ASXL3: variants seen among roughly 807,000 people sequenced by gnomAD.
ASXL3 encodes putative Polycomb group protein ASXL3.
In ASXL3, 34 loss-of-function variants were observed where a neutral mutation model predicts 170.6. The observed-to-expected ratio is 0.20, with a 90% CI of 0.15 to 0.27. ASXL3 has a LOEUF of 0.27. ASXL3 is among the 10% of genes least tolerant of loss of function. The pLI is 1.00. For missense variants in ASXL3, 2,592 were observed against 2,695.3 expected (o/e 0.96, Z 0.85); for synonymous variants, 1,002 against 989.1 (o/e 1.01, Z -0.24).
At position 33,646,256 on chromosome 18, in the gene ASXL3, G is replaced by A. The variant is rs371806703; in HGVS notation, c.258G>A (p.Ser86=). Residue 86 remains serine (S), a synonymous_variant, in exon 4 of 12, where the codon TCG becomes TCA. Transcript: ENST00000269197. ...TCAAAATAATACAGAAAGAGGAGTC[G>A]TCATGCCCAGCAGATGGCACGTTGG... ...SGLYALKKEE[S]SCPADGTLDL... 246 of 1,610,660 alleles carry A rather than the reference G, an allele frequency of 1.5e-4. No individual in the cohort carries two copies. Among genetic ancestry groups the A allele is most frequent in the Non-Finnish European group, 1.3e-4 (149 of 1,177,768 alleles).
chr18:33,615,628 A>C (rs1337683006), intron 2 of ASXL3, among the ~76,000 whole-genome samples: 1 of 152,154 alleles, frequency 6.6e-6, no homozygotes, highest in Admixed American at 6.6e-5. Context: ...ATAAAGTGAA[A>C]CACACAAAAC....
chr18:33,684,195 A>AT (rs1399435512), intron 8 of ASXL3, among the ~76,000 whole-genome samples: 1 of 152,180 alleles, frequency 6.6e-6, no homozygotes, highest in Admixed American at 6.5e-5. Flanking sequence ...AAGGAAAAAA[A>AT]TTTTATCACA....
intron 8 of ASXL3, among the ~76,000 whole-genome samples, chr18:33,713,333 C>A: frequency 1.3e-5 from 1 of 76,898 alleles, no homozygotes; most frequent in African/African-American, 5.9e-5. Flanking sequence ...TGGCTCACTG[C>A]AACCTCCACC....
chr18:33,599,412 A>G (rs2145110412), intron 1 of ASXL3, among the ~76,000 whole-genome samples: 1 of 152,236 alleles, frequency 6.6e-6, no homozygotes. Flanking sequence ...AGATTGAGTA[A>G]TCAGTATCAG....
chr18:33,746,384 G>A lies in ASXL3; in HGVS notation c.6536G>A (p.Gly2179Glu), dbSNP rs1280613366. Reference sequence around the variant, plus strand: ...ATTGAAAAGTCCATTGGGATTTTGGGAAGTGGCTCCAATCCTGCCACAGGC... The same window carrying A: ...ATTGAAAAGTCCATTGGGATTTTGGAAAGTGGCTCCAATCCTGCCACAGGC... The part of the protein sequence containing the change: ...SAIEKSIGIL[G>E]SGSNPATGLS... The change falls in exon 12 of 12, where the codon GGA becomes GAA. Residue 2179 changes from glycine (G) to glutamate (E), a missense_variant. Around this residue, in one of 4 missense-constraint regions of ASXL3, gnomAD observed 2,246 missense variants for 2,219.6 expected, o/e 1.01. Transcript: ENST00000269197. The A allele has an allele frequency of 6.2e-7, 1 of 1,613,848 alleles. No individual in the cohort carries two copies.
chr18:33,741,410 TATTA>T (rs1166590637), intron 11 of ASXL3, among the ~76,000 whole-genome samples: 1 of 152,180 alleles, frequency 6.6e-6, no homozygotes, highest in African/African-American at 2.4e-5. Context: ...TTATTGAGCA[TATTA>T]ATTAATAAAT....
intron 8 of ASXL3, among the ~76,000 whole-genome samples, chr18:33,718,068 A>G (rs2067195030): frequency 6.6e-6 from 1 of 152,152 alleles, no homozygotes; most frequent in African/African-American, 2.4e-5. Flanking sequence ...CTCCCTAACA[A>G]AAGTATCACA....
At chr18:33,580,985 T>C (rs2064986620) in intron 1 of ASXL3, among the ~76,000 whole-genome samples, 1 of 152,204 alleles carries the variant, frequency 6.6e-6, no homozygotes, top group African/African-American at 2.4e-5. Context: ...GTGACTTATC[T>C]AATTCTTATT....
At chr18:33,586,823 T>G (rs2065038643) in intron 1 of ASXL3, among the ~76,000 whole-genome samples, 1 of 152,204 alleles carries the variant, frequency 6.6e-6, no homozygotes, top group South Asian at 2.1e-4. Flanking sequence ...TCCAGTTCAT[T>G]TAAACATTTA....
At chr18:33,608,707 A>G (rs2145126038) in intron 2 of ASXL3, among the ~76,000 whole-genome samples, 1 of 152,106 alleles carries the variant, frequency 6.6e-6, no homozygotes, top group East Asian at 1.9e-4. Context: ...AGTAGTTGCA[A>G]CTTGATGAAA....
intron 2 of ASXL3, among the ~76,000 whole-genome samples, chr18:33,613,962 T>C (rs1304352365): frequency 6.6e-6 from 1 of 152,064 alleles, no homozygotes; most frequent in Non-Finnish European, 1.5e-5. Context: ...CTTCAGCAAG[T>C]CATAATCACT....
intron 8 of ASXL3, among the ~76,000 whole-genome samples, chr18:33,712,596 C>G (rs1026950401): frequency 2.0e-5 from 3 of 152,134 alleles, no homozygotes; most frequent in African/African-American, 7.2e-5. Context: ...GCTAGTTTTC[C>G]TGATACTTTT....
At position 33,583,327 on chromosome 18, in the gene ASXL3, A is replaced by G. The variant is rs1422535659; in HGVS notation, c.54+4642A>G. Among the ~76,000 whole-genome samples the G allele has an allele frequency of 2.6e-5, 4 of 152,196 alleles. No homozygotes were observed. The East Asian group carries it at 7.7e-4, about 29-fold the overall frequency. On this transcript the variant is annotated intron_variant, in intron 1 of 11. Coordinates refer to ENST00000269197, the MANE Select transcript of ASXL3 (RefSeq NM_030632.3). ...TACACAAGAGCATAACTGACAATGT[A>G]GTTGGATCATGAGCCTGGCTAATAT...
chr18:33,745,732 G>A lies in ASXL3; in HGVS notation c.5884G>A (p.Ala1962Thr), dbSNP rs774593724. 1.2e-6 allele frequency: 2 copies of A among 1,613,992 alleles called. No individual in the cohort carries two copies. Among genetic ancestry groups the A allele is most frequent in the East Asian group, 2.2e-5 (1 of 44,880 alleles). ...SKTPVGCNAFAFNRHLEQKGL... is the reference protein window; with the variant it reads ...SKTPVGCNAFTFNRHLEQKGL... ...GACCCCAGTGGGGTGTAATGCATTT[G>A]CCTTCAACAGGCATCTTGAACAGAA... The change falls in exon 12 of 12, where the codon GCC becomes ACC. Residue 1962 changes from alanine to threonine, a missense_variant. By Grantham distance (58) the Ala-to-Thr change is moderately conservative. Around this residue, in one of 4 missense-constraint regions of ASXL3, gnomAD observed 2,246 missense variants for 2,219.6 expected, o/e 1.01. Coordinates refer to ENST00000269197, the MANE Select transcript of ASXL3 (RefSeq NM_030632.3).
At chr18:33,668,634 T>A (rs2066295630) in intron 5 of ASXL3, among the ~76,000 whole-genome samples, 2 of 152,118 alleles carry the variant, frequency 1.3e-5, no homozygotes, top group African/African-American at 4.8e-5. Context: ...GCCTTGACTA[T>A]ACCTTGTCTT....
At chr18:33,676,673 G>C (rs1316258959) in intron 7 of ASXL3, among the ~76,000 whole-genome samples, 1 of 152,158 alleles carries the variant, frequency 6.6e-6, no homozygotes, top group Non-Finnish European at 1.5e-5. Context: ...CAAATAACCA[G>C]GCAGTAGAAA....
At chr18:33,741,079 C>A (rs1040012417) in intron 11 of ASXL3, among the ~76,000 whole-genome samples, 2 of 152,078 alleles carry the variant, frequency 1.3e-5, no homozygotes, top group Non-Finnish European at 2.9e-5. Flanking sequence ...TGTACTTACT[C>A]TTTTTAATAA....
Position 33,738,485 on chromosome 18 carries a change from A to G in ASXL3, c.1083-2A>G, listed in dbSNP as rs1487948279. 6.3e-7 allele frequency: 1 copy of G among 1,589,998 alleles called. No individual in the cohort carries two copies. The highest frequency in any genetic ancestry group is 1.4e-5 in the African/African-American group (1 of 73,592). Reference sequence around the variant, plus strand: ...AATAATTTATTTCTAATTTCTGTACAGGCTGGGCATGTCAAGAGAGGAATC... The same window carrying G: ...AATAATTTATTTCTAATTTCTGTACGGGCTGGGCATGTCAAGAGAGGAATC... On this transcript the variant is annotated splice_acceptor_variant, in intron 10 of 11. Transcript: ENST00000269197. LOFTEE classifies it high-confidence loss of function.
chr18:33,678,768 T>C (rs1376814936), intron 7 of ASXL3, among the ~76,000 whole-genome samples: 1 of 152,196 alleles, frequency 6.6e-6, no homozygotes, highest in Non-Finnish European at 1.5e-5. Context: ...AAGACAATCA[T>C]ATATAATTGG....
Sources: allele counts gnomAD v4.1 joint callset (sites outside exome capture counted in the v4.1 genomes callset), GRCh38; gene constraint gnomAD v4.1.1; regional missense constraint gnomAD v4.1.1; transcripts MANE v1.5; gene names NCBI Gene and HGNC (gene_info 2026-07-23, HGNC 2026-07-21).